Variants in PELI1 observed in about 807,000 individuals in gnomAD.
PELI1 encodes the protein E3 ubiquitin-protein ligase pellino homolog 1.
In PELI1, 15 loss-of-function variants were observed where a neutral mutation model predicts 41.3. The ratio of observed to expected loss-of-function variants is 0.36; its 90% CI spans 0.24 to 0.56. PELI1 has a LOEUF of 0.56. Ranked by LOEUF, PELI1 falls within the 20% of genes least tolerant of loss-of-function variation. The pLI is 0.82. For synonymous variants in PELI1, 178 were observed against 180.1 expected (o/e 0.99, Z 0.09); for missense variants, 403 against 525.5 (o/e 0.77, Z 2.28).
chr2:64,095,053 T>A lies in PELI1; in HGVS notation c.906A>T (p.Glu302Asp). 1 of 1,614,244 alleles carries A rather than the reference T, an allele frequency of 6.2e-7. No individual in the cohort carries two copies. Among genetic ancestry groups the A allele is most frequent in the Non-Finnish European group, 8.5e-7 (1 of 1,180,022 alleles). Residue 302 changes from glutamate to aspartate, a missense_variant, in exon 7 of 7, where the codon GAA (glutamate) becomes GAT (aspartate). Glu to Asp is a conservative substitution (Grantham distance 45). Coordinates refer to ENST00000358912, the MANE Select transcript of PELI1 (RefSeq NM_020651.4). ...AGTTTAGATATACCCATGGTTGTTT[T>A]TCATCTACAACGTCTTTCCTCTTCA... is the stretch of plus-strand genomic sequence containing the variant. ...PSMKRKDVVDEKQPWVYLNCG... is the reference protein window; with the variant it reads ...PSMKRKDVVDDKQPWVYLNCG...
chr2:64,119,998 A>G (rs1400822393), intron 1 of PELI1, among the ~76,000 whole-genome samples: 5 of 152,228 alleles, frequency 3.3e-5, no homozygotes, highest in African/African-American at 1.2e-4. Context: ...ATAAAATACT[A>G]TATTATCCCA....
intron 1 of PELI1, among the ~76,000 whole-genome samples, chr2:64,127,368 G>T (rs887898066): frequency 1.3e-5 from 2 of 152,298 alleles, no homozygotes; most frequent in South Asian, 4.1e-4. Flanking sequence ...GTGAGTCCTT[G>T]TCTCTACAAA....
chr2:64,094,729 T>C lies in PELI1; in HGVS notation c.1230A>G (p.Arg410=). The change falls in exon 7 of 7, where the codon AGA becomes AGG. Residue 410 remains arginine, a synonymous_variant. Transcript: ENST00000358912. ...HQLAGEQGYI[R]LIFQGPLD is the part of the protein sequence containing the mutation. ...AGTCTAGAGGTCCTTGAAAAATAAG[T>C]CTGATGTAGCCTTGTTCACCAGCCA... The C allele has an allele frequency of 6.2e-7, 1 of 1,613,882 alleles. No homozygotes were observed. Among genetic ancestry groups the C allele is most frequent in the Non-Finnish European group, 8.5e-7 (1 of 1,179,788 alleles).
intron 1 of PELI1, among the ~76,000 whole-genome samples, chr2:64,130,338 A>G (rs1300319695): frequency 6.6e-6 from 1 of 152,154 alleles, no homozygotes; most frequent in African/African-American, 2.4e-5. Context: ...AATGAAACTG[A>G]ATATGTAATA....
intron 1 of PELI1, among the ~76,000 whole-genome samples, chr2:64,110,528 AC>A (rs1353356586): frequency 6.6e-6 from 1 of 152,310 alleles, no homozygotes; most frequent in African/African-American, 2.4e-5. Flanking sequence ...AAATAAAAGA[AC>A]CTTAAAATAT....
intron 1 of PELI1, among the ~76,000 whole-genome samples, chr2:64,123,091 T>C (rs890497310): frequency 6.6e-6 from 1 of 152,214 alleles, no homozygotes. Context: ...AGTCAGCCAA[T>C]AAGTAACTCC....
rs899605678 is a variant in PELI1 at position 64,092,787 on chromosome 2, G to A, written c.*1915C>T. 3 of 150,500 alleles carry A rather than the reference G, an allele frequency of 2.0e-5. No individual in the cohort carries two copies. The highest frequency in any genetic ancestry group is 4.4e-5 in the Non-Finnish European group (3 of 67,882). The allele number at this position is 150,500 out of a possible 1,614,324, so 9.3% of individuals were successfully genotyped here. ...TATTTTTGGAGTGTGGAATAGAGTT[G>A]TTCACAGTTTTCACTTCTGGTTTCT... On this transcript the variant is annotated 3_prime_UTR_variant, in exon 7 of 7. Coordinates refer to ENST00000358912, the MANE Select transcript of PELI1 (RefSeq NM_020651.4).
At position 64,093,320 on chromosome 2, in the gene PELI1, A is replaced by C. The variant is rs1343577562; in HGVS notation, c.*1382T>G. On this transcript the variant is annotated 3_prime_UTR_variant, in exon 7 of 7. Coordinates refer to ENST00000358912, the MANE Select transcript of PELI1 (RefSeq NM_020651.4). Reference sequence around the variant, plus strand: ...TAAGTATTATACAACTTTTCAAACTAAAGGAAAACAAATCAAAATATTAAA... The same window carrying C: ...TAAGTATTATACAACTTTTCAAACTCAAGGAAAACAAATCAAAATATTAAA... 6.6e-6 allele frequency: 1 copy of C among 152,662 alleles called. No homozygotes were observed. Among genetic ancestry groups the C allele is most frequent in the Non-Finnish European group, 1.5e-5 (1 of 68,044 alleles). The allele number at this position is 152,662 out of a possible 1,614,324, so 9.5% of individuals were successfully genotyped here.
chr2:64,136,787 C>T (rs1681730360), intron 1 of PELI1, among the ~76,000 whole-genome samples: 1 of 152,148 alleles, frequency 6.6e-6, no homozygotes, highest in Non-Finnish European at 1.5e-5. Context: ...CCTATAATCC[C>T]AGCTACTTGG....
chr2:64,108,256 C>A lies in PELI1; in HGVS notation c.55G>T (p.Glu19Ter), dbSNP rs759933093. Residue 19 changes from glutamate to a stop codon, truncating the protein, a stop_gained, in exon 2 of 7, where the codon GAA becomes TAA. Coordinates refer to ENST00000358912, the MANE Select transcript of PELI1 (RefSeq NM_020651.4). LOFTEE classifies it high-confidence loss of function. ...AAACCTTACCCTAAGACAATGAGTTCACCATATTTTACTGGTGCTTTAGAT... is the reference window on the plus strand; with the variant it reads ...AAACCTTACCCTAAGACAATGAGTTAACCATATTTTACTGGTGCTTTAGAT... ...HPSKAPVKYGELIVLGYNGSL... is the reference protein window; with the variant it reads ...HPSKAPVKYG 6.3e-7 allele frequency: 1 copy of A among 1,582,674 alleles called. No individual in the cohort carries two copies. The highest frequency in any genetic ancestry group is 1.7e-5 in the Admixed American group (1 of 59,954).
Position 64,108,363 on chromosome 2 carries a change from AC to A in PELI1, c.-54del. On this transcript the variant is annotated 5_prime_UTR_variant, in exon 2 of 7. The change abolishes the stop of an existing upstream ORF in the 5' untranslated region. Coordinates refer to ENST00000358912, the MANE Select transcript of PELI1 (RefSeq NM_020651.4). ...GTTCACTGGTCAGGAGCCTTGGGAC[AC>A]CTTTTGCATTATTTCCTAGAGGGGA... is the stretch of plus-strand genomic sequence containing the variant. 1 of 1,044,948 alleles carries A rather than the reference AC, an allele frequency of 9.6e-7. No homozygotes were observed. Among genetic ancestry groups the A allele is most frequent in the Non-Finnish European group, 1.5e-6 (1 of 668,866 alleles). The allele number at this position is 1,044,948 out of a possible 1,614,324, so 64.7% of individuals were successfully genotyped here. A position where few individuals can be genotyped will look rare whatever the true frequency, so the allele number is the denominator to read the frequency against.
At chr2:64,115,291 C>T (rs1576085570) in intron 1 of PELI1, among the ~76,000 whole-genome samples, 1 of 152,156 alleles carries the variant, frequency 6.6e-6, no homozygotes, top group East Asian at 1.9e-4. Flanking sequence ...TAAGTATCTT[C>T]TGGACTAAGG....
chr2:64,110,788 G>A (rs1431156808), intron 1 of PELI1, among the ~76,000 whole-genome samples: 3 of 151,996 alleles, frequency 2.0e-5, no homozygotes, highest in South Asian at 2.1e-4. Context: ...TTAGCAGGGC[G>A]TGGTGGCACG....
At position 64,144,208 on chromosome 2, in the gene PELI1, C is replaced by G. The variant is rs1682030070; in HGVS notation, c.-197G>C. On this transcript the variant is annotated 5_prime_UTR_variant, in exon 1 of 7. Coordinates refer to ENST00000358912, the MANE Select transcript of PELI1 (RefSeq NM_020651.4). ...CGCCGCTGCCCTCCGCGCCCGCCAGCCGAGCCCAGCGAGGGGAAGTTGACC... is the reference window on the plus strand; with the variant it reads ...CGCCGCTGCCCTCCGCGCCCGCCAGGCGAGCCCAGCGAGGGGAAGTTGACC... 6.6e-6 allele frequency: 1 copy of G among 152,328 alleles called. No individual in the cohort carries two copies. The highest frequency in any genetic ancestry group is 2.4e-5 in the African/African-American group (1 of 41,456). 9.4% of individuals were successfully genotyped at this position (152,328 alleles called of 1,614,324 possible). A position where few individuals can be genotyped will look rare whatever the true frequency, so the allele number is the denominator to read the frequency against.
chr2:64,133,552 G>A (rs1405277438), intron 1 of PELI1, among the ~76,000 whole-genome samples: 3 of 152,018 alleles, frequency 2.0e-5, no homozygotes, highest in Non-Finnish European at 4.4e-5. Context: ...TCTGCCATGG[G>A]TTGGTTCCAA....
At chr2:64,142,307 A>G (rs1681938193) in intron 1 of PELI1, among the ~76,000 whole-genome samples, 1 of 152,204 alleles carries the variant, frequency 6.6e-6, no homozygotes, top group Non-Finnish European at 1.5e-5. Context: ...AAAAAAATAA[A>G]ATAACGAACA....
intron 1 of PELI1, among the ~76,000 whole-genome samples, chr2:64,141,149 T>C (rs561846455): frequency 6.6e-6 from 1 of 152,316 alleles, no homozygotes; most frequent in South Asian, 2.1e-4. Context: ...CCCTTATATA[T>C]AAATGCTGCC....
At chr2:64,101,458 T>G (rs1680429890) in intron 3 of PELI1, among the ~76,000 whole-genome samples, 1 of 152,238 alleles carries the variant, frequency 6.6e-6, no homozygotes, top group Non-Finnish European at 1.5e-5. Flanking sequence ...CTTTTCAGTT[T>G]TGTTTTCAAG....
In PELI1 at chr2:64,095,279, CAA is replaced by C. The variant is rs753260989; in HGVS notation, c.691-13_691-12del. 4 of 1,594,592 alleles carry C rather than the reference CAA, an allele frequency of 2.5e-6. No individual in the cohort carries two copies. The African/African-American group carries it at 4.0e-5, about 16-fold the overall frequency. On this transcript the variant is annotated splice_polypyrimidine_tract_variant and intron_variant, in intron 6 of 6. Coordinates refer to ENST00000358912, the MANE Select transcript of PELI1 (RefSeq NM_020651.4). ...GGTTTCAATTTCCACCTAGAGGAGA[CAA>C]GAGTTGAAAAACATATTCACCACTC...
Sources: allele counts gnomAD v4.1 joint callset (sites outside exome capture counted in the v4.1 genomes callset), GRCh38; gene constraint gnomAD v4.1.1; transcripts MANE v1.5; gene names NCBI Gene and HGNC (gene_info 2026-07-23, HGNC 2026-07-21).